ATP2C1: variants seen among roughly 807,000 people sequenced by gnomAD.
ATP2C1 encodes the protein ATPase secretory pathway Ca2+ transporting 1, also known as calcium-transporting ATPase type 2C member 1.
Under a neutral mutation model 120.5 loss-of-function variants are expected in ATP2C1, and 31 were observed. The ratio of observed to expected loss-of-function variants is 0.26; its 90% CI spans 0.19 to 0.35. The LOEUF (loss-of-function observed/expected upper bound fraction) is 0.35, where lower values mean the gene tolerates loss of function less well. Ranked by LOEUF, ATP2C1 falls within the 10% of genes least tolerant of loss-of-function variation. The pLI, the probability that ATP2C1 is intolerant of heterozygous loss-of-function variation, is 1.00. For synonymous variants in ATP2C1, 351 were observed against 358.7 expected (o/e 0.98, Z 0.24); for missense variants, 731 against 1,107.5 (o/e 0.66, Z 4.83).
In ATP2C1 at chr3:130,996,190, A is replaced by G. The variant is rs2062614259; in HGVS notation, c.2126+79A>G. 3.9e-6 allele frequency: 4 copies of G among 1,022,916 alleles called. No individual in the cohort carries two copies. In the East Asian group the frequency reaches 9.5e-5, roughly 24 times the overall value. 63.4% of individuals were successfully genotyped at this position (1,022,916 alleles called of 1,614,324 possible). ...AGTAGAACTTAAGCAGAATGCCTAG[A>G]AACTTCTCTGCCTTATATTTGTGAG... On this transcript the variant is annotated intron_variant, in intron 23 of 27. Transcript: ENST00000510168.
chr3:130,992,910 C>T, intron 20 of ATP2C1, 41 bp from the exon 21 acceptor site: 1 of 1,516,226 alleles, frequency 6.6e-7, no homozygotes, highest in South Asian at 1.1e-5. Context: ...CTGTAGAAAT[C>T]TTAATATTGA....
rs145453436 is a variant in ATP2C1, at chr3:130,858,408, C to A, written c.108+7480C>A. ...TCCAATAATCATCTTTCTATCCTCC[C>A]TCAGTTAGTATCTACTCTTCCTTCA... On this transcript the variant is annotated intron_variant, in intron 1 of 26. Transcript: ENST00000504381. Among the ~76,000 whole-genome samples, 428 of 152,330 alleles carry A rather than the reference C, an allele frequency of 2.8e-3. 4 individuals carry two copies. Among genetic ancestry groups the A allele is most frequent in the African/African-American group, 9.7e-3 (405 of 41,586 alleles).
chr3:130,995,529 T>C (rs1178225089), intron 22 of ATP2C1, among the ~76,000 whole-genome samples: 1 of 152,236 alleles, frequency 6.6e-6, no homozygotes, highest in Non-Finnish European at 1.5e-5. Context: ...GAATAAGAAT[T>C]TTAATATTGT....
chr3:130,889,362 A>G (rs1319491212), upstream of ATP2C1, among the ~76,000 whole-genome samples: 1 of 152,184 alleles, frequency 6.6e-6, no homozygotes, highest in Non-Finnish European at 1.5e-5. Context: ...CTAGTGTACA[A>G]TGCTTTTTGT....
chr3:130,927,400 C>G (rs2059261706), intron 2 of ATP2C1, among the ~76,000 whole-genome samples: 1 of 152,026 alleles, frequency 6.6e-6, no homozygotes, highest in Non-Finnish European at 1.5e-5. Context: ...GCCACCATGC[C>G]TGGCTAATTT....
chr3:130,905,130 A>C (rs1409466437), intron 2 of ATP2C1, among the ~76,000 whole-genome samples: 1 of 152,020 alleles, frequency 6.6e-6, no homozygotes, highest in Non-Finnish European at 1.5e-5. Flanking sequence ...ATTTTACTAG[A>C]GAATGATATC....
chr3:130,864,025 C>G (rs2068093220), intron 1 of ATP2C1, among the ~76,000 whole-genome samples: 1 of 152,130 alleles, frequency 6.6e-6, no homozygotes, highest in Non-Finnish European at 1.5e-5. Context: ...GGGAAACAGG[C>G]AGAGGTTGGA....
intron 2 of ATP2C1, 186 bp from the exon 3 acceptor site, chr3:130,930,230 T>G: frequency 1.6e-6 from 1 of 614,812 alleles, no homozygotes; most frequent in Non-Finnish European, 3.0e-6. Context: ...GAAATGTAAT[T>G]TCTTGAGAAG....
At chr3:130,971,585 C>T (rs2061318774) in intron 17 of ATP2C1, among the ~76,000 whole-genome samples, 1 of 152,096 alleles carries the variant, frequency 6.6e-6, no homozygotes, top group Non-Finnish European at 1.5e-5. Flanking sequence ...ACCAAAATTA[C>T]TAACAAGGAA....
In ATP2C1 at chr3:130,975,448, C is replaced by T; in HGVS notation, c.1530C>T (p.Tyr510=). The T allele has an allele frequency of 6.2e-7, 1 of 1,613,806 alleles. No individual in the cohort carries two copies. Among genetic ancestry groups the T allele is most frequent in the South Asian group, 1.1e-5 (1 of 91,072 alleles). Residue 510 remains tyrosine, a synonymous_variant, in exon 18 of 28, where the codon TAC becomes TAT. Coordinates refer to ENST00000510168, the MANE Select transcript of ATP2C1 (RefSeq NM_001378687.1). ...TTACTCAGCAGCAGAGAGATGTGTA[C>T]CAACAAGAGAAGGCACGCATGGGCT... The part of the protein sequence containing the change: ...LTLTQQQRDV[Y]QQEKARMGSA...
intron 1 of ATP2C1, among the ~76,000 whole-genome samples, chr3:130,866,786 G>A (rs1303954916): frequency 6.6e-6 from 1 of 152,150 alleles, no homozygotes; most frequent in East Asian, 1.9e-4. Context: ...TGCTGGAGGA[G>A]GTTTAAATAT....
intron 2 of ATP2C1, 151 bp from the exon 3 acceptor site, chr3:130,930,265 T>G (rs1016911958): frequency 2.2e-5 from 15 of 683,288 alleles, no homozygotes; most frequent in Non-Finnish European, 3.8e-5. Flanking sequence ...TATAAAATTG[T>G]CTTTCCTATT....
At chr3:130,872,439 A>G (rs1028334858) in intron 1 of ATP2C1, among the ~76,000 whole-genome samples, 1 of 152,198 alleles carries the variant, frequency 6.6e-6, no homozygotes, top group Admixed American at 6.5e-5. Flanking sequence ...GTTAATTAAC[A>G]TGTCTCAATT....
In ATP2C1 at chr3:130,968,218, C is replaced by G. The variant is rs186540838; in HGVS notation, c.1308+799C>G. Among the ~76,000 whole-genome samples, 4 of 152,250 alleles carry G rather than the reference C, an allele frequency of 2.6e-5. No individual in the cohort carries two copies. The East Asian group carries it at 5.8e-4, about 22-fold the overall frequency. On this transcript the variant is annotated intron_variant, in intron 16 of 27. Transcript: ENST00000510168. ...TCTGTATCATTTGGTCTCCTTACAA[C>G]TAAAACAGCATAGTACTCAAAACAT...
chr3:130,855,946 A>G (rs201717141), intron 1 of ATP2C1: 2 of 152,344 alleles, frequency 1.3e-5, no homozygotes, highest in East Asian at 3.9e-4. Context: ...ATTTGGGATG[A>G]CCTGTACCAA....
intron 10 of ATP2C1, among the ~76,000 whole-genome samples, chr3:130,955,292 C>A (rs2060532514): frequency 6.6e-6 from 1 of 152,100 alleles, no homozygotes; most frequent in African/African-American, 2.4e-5. Context: ...TTGAGCTTTA[C>A]TCATTGTTTA....
At chr3:130,944,094 T>C (rs1388405831) in intron 8 of ATP2C1, among the ~76,000 whole-genome samples, 1 of 152,232 alleles carries the variant, frequency 6.6e-6, no homozygotes, top group Non-Finnish European at 1.5e-5. Flanking sequence ...AGCACATAGA[T>C]TTCACTTTAG....
chr3:130,976,066 T>C (rs924107834), intron 18 of ATP2C1, among the ~76,000 whole-genome samples: 3 of 152,156 alleles, frequency 2.0e-5, no homozygotes, highest in Non-Finnish European at 4.4e-5. Flanking sequence ...ACCTGATTCT[T>C]ACCTTCTGGA....
At chr3:130,929,492 A>G (rs932660458) in intron 2 of ATP2C1, among the ~76,000 whole-genome samples, 5 of 152,230 alleles carry the variant, frequency 3.3e-5, no homozygotes, top group African/African-American at 1.2e-4. Context: ...GGTTGAAAAG[A>G]TCTTACCTGA....
Sources: gnomAD v4.1 joint callset for allele counts (sites outside exome capture counted in the v4.1 genomes callset) on GRCh38, gnomAD v4.1.1 for gene constraint, MANE v1.5 for transcripts, NCBI Gene and HGNC (gene_info 2026-07-23, HGNC 2026-07-21) for gene names.